The following VIL1 variants were observed in gnomAD, a reference collection of about 807,000 sequenced individuals.
VIL1 encodes the protein villin 1.
In VIL1, 86 loss-of-function variants were observed where a neutral mutation model predicts 104.0. That is an observed-to-expected ratio of 0.83 (90% CI 0.69 to 0.99). The LOEUF is 0.99. VIL1 is among the 50% of genes least tolerant of loss of function. The pLI is 0.00. For synonymous variants in VIL1, 394 were observed against 412.6 expected (o/e 0.95, Z 0.55); for missense variants, 944 against 1,054.1 (o/e 0.90, Z 1.45).
rs1688969646 is a variant in VIL1, at chr2:218,425,695, A to G, written c.231A>G (p.Ala77=). 2 of 1,613,838 alleles carry G rather than the reference A, an allele frequency of 1.2e-6. No individual in the cohort carries two copies. Among genetic ancestry groups the G allele is most frequent in the Non-Finnish European group, 1.7e-6 (2 of 1,179,930 alleles). ...GQDSSLDEQG[A]AAIYTTQMDD... ...ACTCATCCCTGGATGAGCAGGGGGC[A>G]GCTGCCATCTACACCACACAGATGG... Residue 77 remains alanine (A), a synonymous_variant, in exon 4 of 20, where the codon GCA becomes GCG. Coordinates refer to ENST00000248444, the MANE Select transcript of VIL1 (RefSeq NM_007127.3).
rs188787171 is a variant in VIL1 at position 218,448,763 on chromosome 2, G to A, written c.2371-460G>A. On this transcript the variant is annotated intron_variant, in intron 19 of 19. Coordinates refer to ENST00000248444, the MANE Select transcript of VIL1 (RefSeq NM_007127.3). Reference sequence around the variant, plus strand: ...CTCACACCTGTAATCCCAGCACTTTGGGAGGCCAAGTAGGGTGGATCACTT... The same window carrying A: ...CTCACACCTGTAATCCCAGCACTTTAGGAGGCCAAGTAGGGTGGATCACTT... Among the ~76,000 whole-genome samples, 217 of 152,118 alleles carry A rather than the reference G, an allele frequency of 1.4e-3. 1 individual carries two copies. Among genetic ancestry groups the A allele is most frequent in the South Asian group, 6.4e-3 (31 of 4,818 alleles).
rs572118505 is a variant in VIL1 at position 218,432,888 on chromosome 2, C to T, written c.1437C>T (p.Val479=). 4.4e-4 allele frequency: 713 copies of T among 1,614,192 alleles called. 8 individuals are homozygous for T. The South Asian group carries it at 7.4e-3, about 17-fold the overall frequency. The part of the protein sequence containing the change: ...KYNGEPVQIR[V]PMGKEPPHLM... ...ATGGTGAACCAGTCCAGATCCGGGTCCCAATGGGCAAGGAGCCACCTCATC... is the reference window on the plus strand; with the variant it reads ...ATGGTGAACCAGTCCAGATCCGGGTTCCAATGGGCAAGGAGCCACCTCATC... The change falls in exon 13 of 20, where the codon GTC becomes GTT. Residue 479 remains valine (V), a synonymous_variant. Coordinates refer to ENST00000248444, the MANE Select transcript of VIL1 (RefSeq NM_007127.3).
Position 218,440,770 on chromosome 2 carries a change from A to C in VIL1, c.2278A>C (p.Ser760Arg), listed in dbSNP as rs1689272252. The part of the protein sequence containing the change: ...VDVFNANSNL[S>R]SGPLPIFPLE... ...CGTGTTCAATGCTAACAGCAACCTC[A>C]GTTCTGGGCCTCTGCCCATCTTCCC... The change falls in exon 19 of 20, where the codon AGT becomes CGT. Residue 760 changes from serine (S) to arginine (R), a missense_variant. By Grantham distance (110) the Ser-to-Arg change is moderately radical. Coordinates refer to ENST00000248444, the MANE Select transcript of VIL1 (RefSeq NM_007127.3). 1.9e-6 allele frequency: 3 copies of C among 1,614,202 alleles called. No individual in the cohort carries two copies. Among genetic ancestry groups the C allele is most frequent in the Non-Finnish European group, 2.5e-6 (3 of 1,180,036 alleles).
chr2:218,423,919 G>A, intron 2 of VIL1, 66 bp downstream of exon 2: 2 of 1,576,598 alleles, frequency 1.3e-6, no homozygotes, highest in Non-Finnish European at 1.7e-6. Context: ...GCCAAGGAGG[G>A]AGGCCTGGGA....
rs753996574 is a variant in VIL1, at chr2:218,429,374, C to T, written c.657C>T (p.Ser219=). 9 of 1,614,022 alleles carry T rather than the reference C, an allele frequency of 5.6e-6. No individual in the cohort carries two copies. Among genetic ancestry groups the T allele is most frequent in the Admixed American group, 1.7e-5 (1 of 59,998 alleles). Reference sequence around the variant, plus strand: ...TGGACGGAGAGAATGAATTGGCATCCCCGAAGCTGATGGAGGTGATGAACC... The same window carrying T: ...TGGACGGAGAGAATGAATTGGCATCTCCGAAGCTGATGGAGGTGATGAACC... The part of the protein sequence containing the change: ...GVVDGENELA[S]PKLMEVMNHV... The change falls in exon 7 of 20, where the codon TCC becomes TCT. Residue 219 remains serine (S), a synonymous_variant. Transcript: ENST00000248444.
intron 18 of VIL1, 126 bp from the exon 19 acceptor site, chr2:218,440,596 G>GT: frequency 9.0e-7 from 1 of 1,116,598 alleles, no homozygotes; most frequent in Non-Finnish European, 1.3e-6. Context: ...GTGTGTGTGT[G>GT]GCAGGGTGGG....
chr2:218,446,243 T>G (rs968232070), intron 19 of VIL1, among the ~76,000 whole-genome samples: 7 of 152,136 alleles, frequency 4.6e-5, no homozygotes, highest in African/African-American at 1.4e-4. Context: ...GTCTTTTCTT[T>G]TCTTTTTTTG....
intron 17 of VIL1, among the ~76,000 whole-genome samples, chr2:218,437,567 T>C (rs982380771): frequency 3.3e-5 from 5 of 152,220 alleles, no homozygotes; most frequent in Non-Finnish European, 5.9e-5. Context: ...CTGGATAGTA[T>C]AGGTAAGAAA....
At chr2:218,430,672 G>A (rs775657067) in intron 9 of VIL1, 53 bp from the exon 10 acceptor site, 56 of 1,528,458 alleles carry the variant, frequency 3.7e-5, no homozygotes, top group Non-Finnish European at 4.9e-5. Context: ...GCTTGCATTG[G>A]GAGTGGGGAC....
rs1411465488 is a variant in VIL1 at position 218,425,803 on chromosome 2, A to T, written c.339A>T (p.Gln113His). The part of the protein sequence containing the change: ...ESEAFRGYFK[Q>H]GLVIRKGGVA... ...AGGCCTTCCGAGGCTACTTCAAGCA[A>T]GGCCTTGTGTAGGGAGGGTGGGCTG... The change falls in exon 4 of 20, where the codon CAA becomes CAT. Residue 113 changes from glutamine to histidine, a missense_variant. Transcript: ENST00000248444. 6.2e-7 allele frequency: 1 copy of T among 1,608,556 alleles called. No individual in the cohort carries two copies. Among genetic ancestry groups the T allele is most frequent in the Non-Finnish European group, 8.5e-7 (1 of 1,177,042 alleles).
chr2:218,423,731 C>A (rs1688931456), intron 1 of VIL1, 37 bp from the exon 2 acceptor site: 1 of 1,607,892 alleles, frequency 6.2e-7, no homozygotes, highest in Non-Finnish European at 8.5e-7. Flanking sequence ...AGCATCCGAA[C>A]TCAGGGTGCC....
intron 17 of VIL1, among the ~76,000 whole-genome samples, chr2:218,438,018 T>G (rs1689225000): frequency 6.6e-6 from 1 of 152,170 alleles, no homozygotes; most frequent in Admixed American, 6.5e-5. Flanking sequence ...CTTAAATTTG[T>G]TGGTTTGTTT....
intron 13 of VIL1, among the ~76,000 whole-genome samples, 161 bp downstream of exon 13, chr2:218,433,112 T>G (rs1286733613): frequency 6.6e-6 from 1 of 152,190 alleles, no homozygotes; most frequent in Non-Finnish European, 1.5e-5. Flanking sequence ...GAACTGGTAA[T>G]AGAAACAACC....
chr2:218,446,267 C>T (rs948421780), intron 19 of VIL1, among the ~76,000 whole-genome samples: 1 of 152,154 alleles, frequency 6.6e-6, no homozygotes, highest in African/African-American at 2.4e-5. Flanking sequence ...CAGAGTCTCA[C>T]TCTGTTGCCC....
intron 9 of VIL1, 130 bp downstream of exon 9, chr2:218,430,077 G>A: frequency 1.2e-6 from 1 of 832,842 alleles, no homozygotes; most frequent in Non-Finnish European, 1.9e-6. Context: ...GGGAAGGCTG[G>A]GAGGAGCAGG....
chr2:218,425,526 C>A (rs1388908917), intron 3 of VIL1, 89 bp from the exon 4 acceptor site: 4 of 1,408,476 alleles, frequency 2.8e-6, no homozygotes, highest in Admixed American at 1.8e-5. Flanking sequence ...CCCCCATAGT[C>A]CTGGACGGCA....
In VIL1 at chr2:218,422,040, G is replaced by T. The variant is rs374550663; in HGVS notation, c.-11-1728G>T. Among the ~76,000 whole-genome samples, 53 of 152,184 alleles carry T rather than the reference G, an allele frequency of 3.5e-4. No homozygotes were observed. In the East Asian group the frequency reaches 7.3e-3, roughly 21 times the overall value. On this transcript the variant is annotated intron_variant, in intron 1 of 19. Coordinates refer to ENST00000248444, the MANE Select transcript of VIL1 (RefSeq NM_007127.3). ...AGGCTGAGGCGGGTGGATCACCTGAGGTCAGGAGTTCGAGACCAGCCTGGC... is the reference window on the plus strand; with the variant it reads ...AGGCTGAGGCGGGTGGATCACCTGATGTCAGGAGTTCGAGACCAGCCTGGC...
At chr2:218,423,646 C>A in intron 1 of VIL1, 122 bp from the exon 2 acceptor site, 1 of 877,928 alleles carries the variant, frequency 1.1e-6, no homozygotes. Context: ...GAGTAACCCT[C>A]TGTGCTCCCC....
chr2:218,423,993 A>G (rs2106390013), intron 2 of VIL1, 140 bp downstream of exon 2: 1 of 918,168 alleles, frequency 1.1e-6, no homozygotes, highest in Middle Eastern at 2.9e-4. Context: ...CACCTCCCGC[A>G]TCATCCACAC....
Sources: gnomAD v4.1 joint callset for allele counts (sites outside exome capture counted in the v4.1 genomes callset) on GRCh38, gnomAD v4.1.1 for gene constraint, MANE v1.5 for transcripts, NCBI Gene and HGNC (gene_info 2026-07-23, HGNC 2026-07-21) for gene names.